SMCO2: variants seen among roughly 807,000 people sequenced by gnomAD.
SMCO2 encodes single-pass membrane and coiled-coil domain-containing protein 2.
SMCO2 carries 25 observed loss-of-function variants against 29.5 expected under a neutral mutation model. That is an observed-to-expected ratio of 0.85 (90% CI 0.62 to 1.18). The LOEUF (loss-of-function observed/expected upper bound fraction) is 1.18, where lower values mean the gene tolerates loss of function less well. SMCO2 is among the 50% of genes most tolerant of loss of function. SMCO2 has a pLI of 0.00. For missense variants in SMCO2, 348 were observed against 344.5 expected (o/e 1.01, Z -0.08); for synonymous variants, 117 against 123.3 (o/e 0.95, Z 0.34).
upstream of SMCO2, among the ~76,000 whole-genome samples, chr12:27,465,663 G>A (rs532643307): frequency 4.6e-5 from 7 of 152,244 alleles, no homozygotes; most frequent in East Asian, 1.3e-3. Flanking sequence ...CACCTATTGT[G>A]CGTCAGCCAC....
At chr12:27,487,750 TTTC>T (rs1313432993) in intron 4 of SMCO2, among the ~76,000 whole-genome samples, 1 of 146,330 alleles carries the variant, frequency 6.8e-6, no homozygotes, top group Non-Finnish European at 1.5e-5. Flanking sequence ...TCTTCTTTTC[TTTC>T]TTTTTTTTTT....
the SMCO2 span, among the ~76,000 whole-genome samples, chr12:27,447,392 G>T: frequency 6.6e-6 from 1 of 152,090 alleles, no homozygotes; most frequent in South Asian, 2.1e-4. Context: ...ACCCTTTCTT[G>T]CTCTTCAGAG....
intron 7 of SMCO2, among the ~76,000 whole-genome samples, chr12:27,501,442 CAAACA>C (rs1158773055): frequency 2.4e-4 from 32 of 131,108 alleles, no homozygotes; most frequent in African/African-American, 5.7e-4. Context: ...AAAAAACAAA[CAAACA>C]AAACAAAACA....
Position 27,471,201 on chromosome 12 carries a change from G to A in SMCO2, c.134+436G>A, listed in dbSNP as rs147659422. Among the ~76,000 whole-genome samples the A allele has an allele frequency of 8.9e-3, 1,360 of 152,116 alleles. 8 individuals carry two copies. Among genetic ancestry groups the A allele is most frequent in the Non-Finnish European group, 0.014 (961 of 67,972 alleles). ...TTTTTAACTAGGAAAACATTTTTAAGGTAAAAGATTTTCCAAGAATCCCTC... is the reference window on the plus strand; with the variant it reads ...TTTTTAACTAGGAAAACATTTTTAAAGTAAAAGATTTTCCAAGAATCCCTC... On this transcript the variant is annotated intron_variant, in intron 2 of 7. Transcript: ENST00000298876.
chr12:27,434,884 G>A, the SMCO2 span, among the ~76,000 whole-genome samples: 1 of 152,150 alleles, frequency 6.6e-6, no homozygotes, highest in South Asian at 2.1e-4. Context: ...TCTGTAGGAA[G>A]CTGTCTGCTA....
rs1487884051 is a variant in SMCO2 at position 27,484,877 on chromosome 12, T to A, written c.363-3583T>A. On this transcript the variant is annotated intron_variant, in intron 4 of 7. Coordinates refer to ENST00000298876, the Ensembl canonical transcript of SMCO2. ...AAAAAAAAAAAAAAAAAAAAATATA[T>A]ATATATATATATATATAGTTTTTAA... is the stretch of plus-strand genomic sequence containing the variant. Among the ~76,000 whole-genome samples, 292 of 110,658 alleles carry A rather than the reference T, an allele frequency of 2.6e-3. 1 individual carries two copies. Among genetic ancestry groups the A allele is most frequent in the African/African-American group, 0.01 (207 of 19,718 alleles). The allele number at this position is 110,658 out of a possible 152,430, so 72.6% of individuals were successfully genotyped here. A position where few individuals can be genotyped will look rare whatever the true frequency, so the allele number is the denominator to read the frequency against.
At chr12:27,495,079 G>A (rs1942981230) in intron 6 of SMCO2, among the ~76,000 whole-genome samples, 1 of 152,054 alleles carries the variant, frequency 6.6e-6, no homozygotes, top group Admixed American at 6.6e-5. Context: ...AAATGTGATT[G>A]GGCAAATGAG....
the SMCO2 span, among the ~76,000 whole-genome samples, chr12:27,427,861 A>T: frequency 6.6e-6 from 1 of 152,154 alleles, no homozygotes; most frequent in African/African-American, 2.4e-5. Context: ...TTTTATTGTT[A>T]CTCAAATCAG....
At chr12:27,478,210 GGCTTAGGCTGT>G (rs1949607311) in intron 4 of SMCO2, among the ~76,000 whole-genome samples, 1 of 152,212 alleles carries the variant, frequency 6.6e-6, no homozygotes, top group Non-Finnish European at 1.5e-5. Flanking sequence ...GTTCATCAGT[GGCTTAGGCTGT>G]GCTTATTTGT....
intron 6 of SMCO2, 119 bp downstream of exon 7, chr12:27,494,475 T>TATTTA (rs1236231833): frequency 6.7e-6 from 2 of 298,342 alleles, no homozygotes; most frequent in Admixed American, 5.5e-5. Flanking sequence ...CTTTCTTTTT[T>TATTTA]ATTTAATTTA....
the SMCO2 span, among the ~76,000 whole-genome samples, chr12:27,430,111 T>C: frequency 2.6e-5 from 4 of 152,220 alleles, no homozygotes; most frequent in Non-Finnish European, 2.9e-5. Flanking sequence ...GACTAGTCCT[T>C]TCTTTTCCCA....
At chr12:27,470,533 G>A (rs1949532451) in intron 1 of SMCO2, 89 bp from the exon 2 acceptor site, 1 of 1,418,052 alleles carries the variant, frequency 7.1e-7, no homozygotes, top group African/African-American at 1.4e-5. Flanking sequence ...CAAATGCCCT[G>A]AGGAAGAAGT....
the SMCO2 span, among the ~76,000 whole-genome samples, chr12:27,433,522 C>T: frequency 6.6e-6 from 1 of 150,928 alleles, no homozygotes; most frequent in Non-Finnish European, 1.5e-5. Context: ...CACACACACA[C>T]ACACACACAC....
At chr12:27,492,051 T>C (rs1478136472) in intron 5 of SMCO2, among the ~76,000 whole-genome samples, 2 of 152,182 alleles carry the variant, frequency 1.3e-5, no homozygotes, top group Non-Finnish European at 2.9e-5. Flanking sequence ...AATGATTTCA[T>C]ATAAAAATGA....
chr12:27,446,786 A>G, the SMCO2 span, among the ~76,000 whole-genome samples: 1 of 151,902 alleles, frequency 6.6e-6, no homozygotes, highest in Non-Finnish European at 1.5e-5. Context: ...AGCTTCTTAA[A>G]CCTCAGGCTG....
chr12:27,445,930 G>T, the SMCO2 span, among the ~76,000 whole-genome samples: 152 of 150,976 alleles, frequency 1.0e-3, no homozygotes, highest in Non-Finnish European at 2.0e-3. Context: ...TTAAGACAGA[G>T]TCTTGCTCTG....
chr12:27,487,131 T>G (rs1249353270), intron 4 of SMCO2, among the ~76,000 whole-genome samples: 1 of 152,204 alleles, frequency 6.6e-6, no homozygotes, highest in African/African-American at 2.4e-5. Flanking sequence ...TCCATGCAAT[T>G]TTATGAGATG....
At chr12:27,451,127 C>G in the SMCO2 span, among the ~76,000 whole-genome samples, 2 of 152,204 alleles carry the variant, frequency 1.3e-5, no homozygotes, top group African/African-American at 4.8e-5. Flanking sequence ...ACTATTTGTT[C>G]TCTGTCCAAA....
At chr12:27,444,478 A>C in the SMCO2 span, among the ~76,000 whole-genome samples, 4 of 152,202 alleles carry the variant, frequency 2.6e-5, no homozygotes, top group Non-Finnish European at 1.5e-5. Flanking sequence ...TAGGCCATCA[A>C]AGCAAAAATA....
Sources: allele counts gnomAD v4.1 joint callset (sites outside exome capture counted in the v4.1 genomes callset), GRCh38; gene constraint gnomAD v4.1.1; transcripts MANE v1.5; gene names NCBI Gene and HGNC (gene_info 2026-07-23, HGNC 2026-07-21).